The following PLCB4 variants were observed in gnomAD, a reference collection of about 807,000 sequenced individuals.
PLCB4 encodes the protein phospholipase C beta 4, also known as 1-phosphatidylinositol 4,5-bisphosphate phosphodiesterase beta-4.
PLCB4 carries 77 observed loss-of-function variants against 178.8 expected under a neutral mutation model. The observed-to-expected ratio is 0.43, with a 90% CI of 0.36 to 0.52. The LOEUF (loss-of-function observed/expected upper bound fraction) is 0.52, where lower values mean the gene tolerates loss of function less well. Ranked by LOEUF, PLCB4 falls within the 20% of genes least tolerant of loss-of-function variation. The probability of loss-of-function intolerance (pLI) is 0.00; values close to 1 mark genes in which losing one functional copy is unlikely to be tolerated. For missense variants in PLCB4, 1,024 were observed against 1,453.4 expected (o/e 0.70, Z 4.80); for synonymous variants, 496 against 490.8 (o/e 1.01, Z -0.14).
intron 28 of PLCB4, among the ~76,000 whole-genome samples, chr20:9,435,073 A>G (rs768695026): frequency 1.3e-5 from 2 of 152,236 alleles, no homozygotes; most frequent in Non-Finnish European, 2.9e-5. Context: ...GGCTTTGAAT[A>G]TGTATTATCC....
At chr20:9,265,108 G>A (rs2094335840) in intron 3 of PLCB4, among the ~76,000 whole-genome samples, 1 of 152,182 alleles carries the variant, frequency 6.6e-6, no homozygotes, top group African/African-American at 2.4e-5. Context: ...TTTCTAAAAA[G>A]AGAATGACTG....
At chr20:9,382,555 T>C (rs1052798379) in intron 13 of PLCB4, among the ~76,000 whole-genome samples, 3 of 152,226 alleles carry the variant, frequency 2.0e-5, no homozygotes, top group Admixed American at 6.5e-5. Context: ...CATTGAATGA[T>C]GTTGGCACGC....
chr20:9,426,998 G>T (rs151149037), intron 28 of PLCB4, among the ~76,000 whole-genome samples: 2 of 152,052 alleles, frequency 1.3e-5, no homozygotes, highest in African/African-American at 2.4e-5. Context: ...GCCGAGGCGC[G>T]TGGATCACAT....
intron 2 of PLCB4, among the ~76,000 whole-genome samples, chr20:9,110,779 AG>A (rs1382823152): frequency 6.6e-6 from 1 of 152,190 alleles, no homozygotes; most frequent in East Asian, 1.9e-4. Flanking sequence ...GTTTAGAGGA[AG>A]ATGAACAGTG....
intron 2 of PLCB4, among the ~76,000 whole-genome samples, chr20:9,203,056 A>AATATATATATATATATATAT (rs55690764): frequency 2.4e-5 from 3 of 126,162 alleles, no homozygotes; most frequent in African/African-American, 9.9e-5. Context: ...AAAAAAAAAA[A>AATATATATATATATATATAT]ATATATATAT....
At chr20:9,310,626 C>A (rs541620767) in intron 4 of PLCB4, among the ~76,000 whole-genome samples, 2 of 151,922 alleles carry the variant, frequency 1.3e-5, no homozygotes, top group African/African-American at 2.4e-5. Flanking sequence ...GCAGGAGAAT[C>A]GCTTGAACCC....
intron 2 of PLCB4, among the ~76,000 whole-genome samples, chr20:9,171,920 A>G (rs931540489): frequency 6.6e-6 from 1 of 152,136 alleles, no homozygotes; most frequent in Non-Finnish European, 1.5e-5. Context: ...TGCAGAGGCC[A>G]CTGTCTCTGC....
rs1350147393 is a variant in PLCB4 at position 9,453,395 on chromosome 20, G to A, written c.2929G>A (p.Val977Met). The change falls in exon 33 of 40, where the codon GTG becomes ATG. Residue 977 changes from valine (V) to methionine (M), a missense_variant. Physicochemically the swap from Val to Met is conservative, Grantham distance 21. This residue lies in a region of PLCB4 where 264 missense variants were observed against 283.2 expected (regional missense o/e 0.93). Transcript: ENST00000378473. ...KLHCTQVDKIVAQYDKEKSTH... is the reference protein window; with the variant it reads ...KLHCTQVDKIMAQYDKEKSTH... ...ACACTGCACGCAAGTTGACAAAATT[G>A]TGGCACAGTATGACAAAGAGAAGTC... 2 of 1,613,284 alleles carry A rather than the reference G, an allele frequency of 1.2e-6. No homozygotes were observed. Among genetic ancestry groups the A allele is most frequent in the South Asian group, 1.1e-5 (1 of 91,056 alleles).
chr20:9,463,724 A>T (rs1175980029), intron 35 of PLCB4, among the ~76,000 whole-genome samples: 1 of 152,156 alleles, frequency 6.6e-6, no homozygotes, highest in East Asian at 1.9e-4. Context: ...CAACAAGAAG[A>T]GTTAACTATC....
At chr20:9,194,682 G>C (rs1422077815) in intron 2 of PLCB4, among the ~76,000 whole-genome samples, 1 of 109,394 alleles carries the variant, frequency 9.1e-6, no homozygotes, top group African/African-American at 3.7e-5. Flanking sequence ...GACAGAGCAA[G>C]ACTCCATCTC....
At chr20:9,095,796 T>TA (rs1180264970) in intron 1 of PLCB4, among the ~76,000 whole-genome samples, 5 of 152,014 alleles carry the variant, frequency 3.3e-5, no homozygotes, top group Non-Finnish European at 7.4e-5. Flanking sequence ...GCTTGGACAA[T>TA]AAAAAATCAA....
intron 9 of PLCB4, 59 bp from the exon 10 acceptor site, chr20:9,371,155 A>C: frequency 9.2e-7 from 1 of 1,081,374 alleles, no homozygotes; most frequent in South Asian, 1.2e-5. Context: ...GGATCTTTGC[A>C]TCAGAGAAAA....
chr20:9,238,264 C>G (rs916974813), intron 3 of PLCB4, among the ~76,000 whole-genome samples: 6 of 152,186 alleles, frequency 3.9e-5, no homozygotes, highest in African/African-American at 1.4e-4. Context: ...TCTGTTGTCA[C>G]TTCAATACAA....
At chr20:9,196,750 G>C (rs568897632) in intron 2 of PLCB4, among the ~76,000 whole-genome samples, 23 of 152,254 alleles carry the variant, frequency 1.5e-4, no homozygotes, top group Non-Finnish European at 2.9e-4. Flanking sequence ...CCTATCTTTG[G>C]TGGGTTGGAG....
At chr20:9,078,523 G>A (rs6118473) in intron 1 of PLCB4, among the ~76,000 whole-genome samples, 9 of 151,276 alleles carry the variant, frequency 5.9e-5, no homozygotes, top group East Asian at 3.9e-4. Context: ...CACCAAGCCC[G>A]GCTAATTTTT....
At chr20:9,328,435 G>A (rs1051682577) in intron 4 of PLCB4, among the ~76,000 whole-genome samples, 2 of 152,222 alleles carry the variant, frequency 1.3e-5, no homozygotes, top group Non-Finnish European at 2.9e-5. Context: ...TAGTACAGTT[G>A]TTCAGTTATC....
chr20:9,441,222 G>A (rs2042082374), intron 30 of PLCB4, among the ~76,000 whole-genome samples: 1 of 152,180 alleles, frequency 6.6e-6, no homozygotes, highest in African/African-American at 2.4e-5. Context: ...GCTCAGCAGA[G>A]CCTGGTGTAA....
intron 2 of PLCB4, among the ~76,000 whole-genome samples, chr20:9,187,006 G>T (rs1334583640): frequency 6.6e-6 from 1 of 151,848 alleles, no homozygotes. Flanking sequence ...ATGGAGTCTT[G>T]CTCTGTCACC....
chr20:9,397,086 T>C (rs933945891), intron 19 of PLCB4, among the ~76,000 whole-genome samples: 6 of 152,202 alleles, frequency 3.9e-5, no homozygotes, highest in African/African-American at 1.4e-4. Flanking sequence ...TCTTTCAAAA[T>C]TGAAGCCAAT....
Sources: allele counts gnomAD v4.1 joint callset (sites outside exome capture counted in the v4.1 genomes callset), GRCh38; gene constraint gnomAD v4.1.1; regional missense constraint gnomAD v4.1.1; transcripts MANE v1.5; gene names NCBI Gene and HGNC (gene_info 2026-07-23, HGNC 2026-07-21).